The following POC1B variants were observed in gnomAD, a reference collection of about 807,000 sequenced individuals.
POC1B encodes the protein POC1 centriolar protein homolog B.
In POC1B, 44 loss-of-function variants were observed where a neutral mutation model predicts 60.6. That is an observed-to-expected ratio of 0.73 (90% confidence interval 0.57 to 0.93). The LOEUF is 0.93. Among genes scored for constraint, POC1B ranks in the 40% least tolerant of loss-of-function variants. The pLI, the probability that POC1B is intolerant of heterozygous loss-of-function variation, is 0.00. For missense variants in POC1B, 555 were observed against 572.3 expected, an observed-to-expected ratio of 0.97 and a Z score of 0.31; for synonymous variants, 180 against 198.9, an observed-to-expected ratio of 0.90 and a Z score of 0.80.
intron 10 of POC1B, among the ~76,000 whole-genome samples, chr12:89,444,688 A>G (rs923137365): frequency 3.9e-5 from 6 of 152,300 alleles, no homozygotes; most frequent in South Asian, 2.1e-4. Context: ...CCCTTTGAAA[A>G]CTGGCACAAG....
intron 11 of POC1B, among the ~76,000 whole-genome samples, chr12:89,422,081 T>C (rs1880563050): frequency 6.6e-6 from 1 of 152,062 alleles, no homozygotes; most frequent in South Asian, 2.1e-4. Flanking sequence ...GAAACATAGA[T>C]TATTCAGGAA....
Position 89,515,969 on chromosome 12 carries a change from G to A in POC1B, c.100+9151C>T, listed in dbSNP as rs1374763791. 2.0e-5 allele frequency among the ~76,000 whole-genome samples: 3 copies of A among 152,098 alleles called. No homozygotes were observed. In the East Asian group the frequency reaches 5.8e-4, roughly 29 times the overall value. On this transcript the variant is annotated intron_variant, in intron 2 of 11. Coordinates refer to ENST00000313546, the MANE Select transcript of POC1B (RefSeq NM_172240.3). Reference sequence around the variant, plus strand: ...CCCTGGCAAAAATCCCAATCACTCTGCCTTTTCTGAGATTATAACTATACC... The same window carrying A: ...CCCTGGCAAAAATCCCAATCACTCTACCTTTTCTGAGATTATAACTATACC...
intron 2 of POC1B, among the ~76,000 whole-genome samples, chr12:89,502,971 G>T (rs542290205): frequency 2.8e-4 from 43 of 152,224 alleles, no homozygotes; most frequent in Admixed American, 1.3e-3. Flanking sequence ...ATATATGTGT[G>T]TATATATGTA....
chr12:89,468,580 G>A (rs756453009), intron 7 of POC1B, among the ~76,000 whole-genome samples: 1 of 152,072 alleles, frequency 6.6e-6, no homozygotes, highest in African/African-American at 2.4e-5. Flanking sequence ...CCATCTTCAT[G>A]TAGTGTTTTC....
chr12:89,404,864 C>T, the POC1B span, among the ~76,000 whole-genome samples: 315 of 152,172 alleles, frequency 2.1e-3, 4 homozygotes, highest in African/African-American at 6.3e-3. Flanking sequence ...TAAAGATCTC[C>T]AAACTTTCAA....
intron 4 of POC1B, among the ~76,000 whole-genome samples, chr12:89,474,889 C>T (rs539649356): frequency 6.6e-6 from 1 of 152,148 alleles, no homozygotes; most frequent in African/African-American, 2.4e-5. Flanking sequence ...TTGCCATAAG[C>T]TGTAGGTAAA....
At chr12:89,524,855 T>G (rs1871284469) in intron 2 of POC1B, 8 of 618,586 alleles carry the variant, frequency 1.3e-5, no homozygotes, top group South Asian at 9.8e-5. Flanking sequence ...TCCCACTCAC[T>G]CCTCCTGGTG....
the POC1B span, among the ~76,000 whole-genome samples, chr12:89,404,275 T>C: frequency 2.6e-5 from 4 of 152,182 alleles, no homozygotes; most frequent in African/African-American, 7.2e-5. Flanking sequence ...TGCAACTTAC[T>C]TCCTTATACC....
chr12:89,479,620 C>T (rs1283157815), intron 4 of POC1B, among the ~76,000 whole-genome samples: 1 of 151,898 alleles, frequency 6.6e-6, no homozygotes, highest in Non-Finnish European at 1.5e-5. Flanking sequence ...TACCTATTCA[C>T]CTCCTCTTAC....
downstream of POC1B, among the ~76,000 whole-genome samples, chr12:89,415,185 A>T (rs893211740): frequency 6.6e-6 from 1 of 152,218 alleles, no homozygotes; most frequent in Non-Finnish European, 1.5e-5. Flanking sequence ...TCTTTTATAT[A>T]ATCATTCTTT....
chr12:89,523,737 C>T, intron 2 of POC1B: 1 of 1,548,118 alleles, frequency 6.5e-7, no homozygotes, highest in Non-Finnish European at 8.7e-7. Flanking sequence ...TCATGGGCTC[C>T]CCTATCTGCA....
At chr12:89,522,959 AAAT>A in intron 2 of POC1B, 4 of 1,614,058 alleles carry the variant, frequency 2.5e-6, no homozygotes, top group South Asian at 2.2e-5. Context: ...TTAAAATGCC[AAAT>A]AATGTTTGCT....
chr12:89,410,482 C>T, the POC1B span, among the ~76,000 whole-genome samples: 1 of 152,174 alleles, frequency 6.6e-6, no homozygotes, highest in African/African-American at 2.4e-5. Context: ...AGATCGAGAC[C>T]ATCCTGGCTA....
rs1472142153 is a variant in POC1B, at chr12:89,450,761, ATGT to A, written c.1113+8874_1113+8876del. ...ACCTTTAAAGGTTTTTGTCATGTTG[ATGT>A]TGTTATTACAAACAGTATTGGAATA... is the stretch of plus-strand genomic sequence containing the variant. On this transcript the variant is annotated intron_variant, in intron 10 of 11. Transcript: ENST00000313546. Among the ~76,000 whole-genome samples the A allele has an allele frequency of 2.6e-5, 4 of 152,168 alleles. No homozygotes were observed. In the South Asian group the frequency reaches 6.2e-4, roughly 24 times the overall value.
intron 2 of POC1B, chr12:89,502,683 T>C (rs1869634876): frequency 1.5e-6 from 2 of 1,333,940 alleles, no homozygotes; most frequent in Non-Finnish European, 1.1e-6. Context: ...GAGTTGAAGG[T>C]ATATAACACA....
intron 10 of POC1B, among the ~76,000 whole-genome samples, chr12:89,437,685 C>A (rs754744955): frequency 6.7e-6 from 1 of 149,370 alleles, no homozygotes. Context: ...TATTATTGAA[C>A]TTGCTCTTTC....
At chr12:89,472,823 C>T (rs1175085840) in intron 4 of POC1B, 2 of 152,684 alleles carry the variant, frequency 1.3e-5, no homozygotes, top group African/African-American at 2.4e-5. Context: ...CTCCAATGGA[C>T]TGAAAATAGG....
At chr12:89,414,944 C>G (rs1339078348), downstream of POC1B, among the ~76,000 whole-genome samples, 3 of 152,054 alleles carry the variant, frequency 2.0e-5, no homozygotes, top group Non-Finnish European at 4.4e-5. Context: ...CAGATAATAC[C>G]TGTTCTCCAA....
chr12:89,474,817 G>A (rs1344616567), intron 4 of POC1B, among the ~76,000 whole-genome samples: 1 of 152,206 alleles, frequency 6.6e-6, no homozygotes, highest in Non-Finnish European at 1.5e-5. Flanking sequence ...AAAGTGGAGA[G>A]GAACCACGAG....
Sources: gnomAD v4.1 joint callset for allele counts (sites outside exome capture counted in the v4.1 genomes callset) on GRCh38, gnomAD v4.1.1 for gene constraint, MANE v1.5 for transcripts, NCBI Gene and HGNC (gene_info 2026-07-23, HGNC 2026-07-21) for gene names.